LARGE1: variants seen among roughly 807,000 people sequenced by gnomAD.
LARGE1 encodes the protein LARGE xylosyl- and glucuronyltransferase 1, also known as xylosyl- and glucuronyltransferase LARGE1.
In LARGE1, 43 loss-of-function variants were observed where a neutral mutation model predicts 87.6. The observed-to-expected ratio is 0.49, with a 90% CI of 0.38 to 0.63. The LOEUF (loss-of-function observed/expected upper bound fraction) is 0.63, where lower values mean the gene tolerates loss of function less well. LARGE1 is among the 30% of genes least tolerant of loss of function. The probability of loss-of-function intolerance (pLI) is 0.00; values close to 1 mark genes in which losing one functional copy is unlikely to be tolerated. For synonymous variants in LARGE1, 434 were observed against 394.6 expected (o/e 1.10, Z -1.18); for missense variants, 802 against 1,000.2 (o/e 0.80, Z 2.67).
intron 2 of LARGE1, among the ~76,000 whole-genome samples, chr22:33,693,844 A>AG (rs995388136): frequency 1.3e-5 from 2 of 152,108 alleles, no homozygotes; most frequent in Non-Finnish European, 2.9e-5. Flanking sequence ...AGAAAAAAAA[A>AG]AGAGAGAGAA....
At chr22:33,699,773 A>G (rs2082353067) in intron 2 of LARGE1, among the ~76,000 whole-genome samples, 1 of 152,242 alleles carries the variant, frequency 6.6e-6, no homozygotes, top group Non-Finnish European at 1.5e-5. Context: ...CCATGATTTA[A>G]TTAAAAGATT....
chr22:33,098,595 T>C, the LARGE1 span, among the ~76,000 whole-genome samples: 9 of 152,328 alleles, frequency 5.9e-5, no homozygotes, highest in South Asian at 1.9e-3. Flanking sequence ...CACTCCAGCC[T>C]GGGCTACAGA....
chr22:33,174,239 CT>C (rs754933854), intron 11 of LARGE1, among the ~76,000 whole-genome samples: 6 of 152,198 alleles, frequency 3.9e-5, no homozygotes, highest in Non-Finnish European at 8.8e-5. Context: ...TCTTGAATAA[CT>C]ACTGGGTAAA....
intron 11 of LARGE1, among the ~76,000 whole-genome samples, chr22:33,314,302 C>T (rs982839060): frequency 6.6e-6 from 1 of 152,114 alleles, no homozygotes; most frequent in Admixed American, 6.5e-5. Context: ...CCCAAGAGAC[C>T]GCCGGCCCCT....
At chr22:33,300,771 A>C (rs1018914319) in intron 12 of LARGE1, among the ~76,000 whole-genome samples, 1 of 151,984 alleles carries the variant, frequency 6.6e-6, no homozygotes, top group African/African-American at 2.4e-5. Flanking sequence ...CGATCTTCTG[A>C]CCTCGTGATT....
intron 1 of LARGE1, among the ~76,000 whole-genome samples, chr22:33,819,419 G>GTT (rs1316108332): frequency 6.6e-6 from 1 of 151,934 alleles, no homozygotes; most frequent in African/African-American, 2.4e-5. Context: ...ACAATCTCAG[G>GTT]TTTTTCTCCC....
intron 5 of LARGE1, among the ~76,000 whole-genome samples, chr22:33,580,220 A>G (rs970270820): frequency 6.6e-6 from 1 of 152,050 alleles, no homozygotes; most frequent in Non-Finnish European, 1.5e-5. Flanking sequence ...CAAATACAAA[A>G]TTAGCCAGGC....
the LARGE1 span, among the ~76,000 whole-genome samples, chr22:33,111,662 G>A: frequency 6.6e-6 from 1 of 152,320 alleles, no homozygotes; most frequent in South Asian, 2.1e-4. Flanking sequence ...ACAGTGTCGA[G>A]TCAGAGAGAC....
intron 2 of LARGE1, among the ~76,000 whole-genome samples, chr22:33,730,884 A>C (rs1197347800): frequency 6.6e-6 from 1 of 151,902 alleles, no homozygotes; most frequent in Non-Finnish European, 1.5e-5. Context: ...TAGTAGAGAC[A>C]GGATTTCACC....
chr22:33,757,645 C>G (rs1171285243), intron 2 of LARGE1, among the ~76,000 whole-genome samples: 2 of 152,074 alleles, frequency 1.3e-5, no homozygotes, highest in African/African-American at 4.8e-5. Context: ...CTCAGGAGGT[C>G]CATTGATATT....
At chr22:33,413,664 A>G (rs965925352) in intron 7 of LARGE1, among the ~76,000 whole-genome samples, 2 of 151,870 alleles carry the variant, frequency 1.3e-5, no homozygotes, top group South Asian at 2.1e-4. Flanking sequence ...ATGGGGTTTC[A>G]CCATGCTGGC....
chr22:33,313,891 G>T (rs1018320485), intron 11 of LARGE1, among the ~76,000 whole-genome samples: 2 of 152,184 alleles, frequency 1.3e-5, no homozygotes, highest in African/African-American at 4.8e-5. Context: ...GGTAACAAAG[G>T]TGTACTTTTT....
At chr22:33,447,277 T>C (rs1212838335) in intron 6 of LARGE1, among the ~76,000 whole-genome samples, 1 of 152,162 alleles carries the variant, frequency 6.6e-6, no homozygotes, top group African/African-American at 2.4e-5. Flanking sequence ...AATCAAGCAT[T>C]TACTTTTCAT....
intron 6 of LARGE1, among the ~76,000 whole-genome samples, chr22:33,480,326 T>C (rs189601990): frequency 5.9e-5 from 9 of 152,332 alleles, no homozygotes; most frequent in Admixed American, 5.2e-4. Flanking sequence ...CCTTTTATGA[T>C]GCAGTAAAAC....
At chr22:33,402,690 C>T (rs1279394900) in intron 7 of LARGE1, among the ~76,000 whole-genome samples, 2 of 152,110 alleles carry the variant, frequency 1.3e-5, no homozygotes, top group African/African-American at 2.4e-5. Context: ...GACTAATACA[C>T]GTTAGTCTTA....
intron 9 of LARGE1, among the ~76,000 whole-genome samples, chr22:33,339,400 G>A (rs1047589027): frequency 1.7e-4 from 26 of 150,606 alleles, no homozygotes; most frequent in African/African-American, 6.0e-4. Flanking sequence ...TGGTAGTGGC[G>A]TCGTGGGGTC....
At chr22:33,458,432 T>A (rs933692646) in intron 6 of LARGE1, among the ~76,000 whole-genome samples, 2 of 150,578 alleles carry the variant, frequency 1.3e-5, no homozygotes, top group African/African-American at 2.5e-5. Flanking sequence ...TGTTATTTTT[T>A]ATTTTTTTAT....
intron 6 of LARGE1, among the ~76,000 whole-genome samples, chr22:33,507,103 C>T (rs952989685): frequency 6.6e-6 from 1 of 152,084 alleles, no homozygotes; most frequent in Non-Finnish European, 1.5e-5. Flanking sequence ...AGTAAACACC[C>T]CCCAACCCCT....
At chr22:33,807,380 AT>A (rs1288474133) in intron 1 of LARGE1, among the ~76,000 whole-genome samples, 8 of 152,130 alleles carry the variant, frequency 5.3e-5, no homozygotes, top group African/African-American at 1.7e-4. Context: ...AATAGACTTT[AT>A]TTTTTAGGAT....
Sources: gnomAD v4.1 joint callset for allele counts (sites outside exome capture counted in the v4.1 genomes callset) on GRCh38, gnomAD v4.1.1 for gene constraint, MANE v1.5 for transcripts, NCBI Gene and HGNC (gene_info 2026-07-23, HGNC 2026-07-21) for gene names.